Variants in HERC4 observed in about 807,000 individuals in gnomAD.
HERC4 encodes probable E3 ubiquitin-protein ligase HERC4.
In HERC4, 28 loss-of-function variants were observed where a neutral mutation model predicts 124.3. The observed-to-expected ratio is 0.23, with a 90% CI of 0.17 to 0.31. HERC4 has a LOEUF of 0.31. Among genes scored for constraint, HERC4 ranks in the 10% least tolerant of loss-of-function variants. HERC4 has a pLI of 1.00. For synonymous variants in HERC4, 407 were observed against 421.5 expected (o/e 0.97, Z 0.42); for missense variants, 713 against 1,229.3 (o/e 0.58, Z 6.28).
At chr10:68,062,222 C>T (rs1302928881) in intron 3 of HERC4, among the ~76,000 whole-genome samples, 2 of 152,118 alleles carry the variant, frequency 1.3e-5, no homozygotes, top group East Asian at 3.9e-4. Flanking sequence ...AAGTTTACCA[C>T]AAAATTCACC....
chr10:67,960,105 G>A (rs1274251217), intron 16 of HERC4, among the ~76,000 whole-genome samples: 1 of 152,220 alleles, frequency 6.6e-6, no homozygotes, highest in Non-Finnish European at 1.5e-5. Context: ...TGTCAGTTCT[G>A]CTTCCAGAAG....
At chr10:67,941,736 T>C (rs192415090) in intron 19 of HERC4, among the ~76,000 whole-genome samples, 2 of 143,376 alleles carry the variant, frequency 1.4e-5, no homozygotes, top group East Asian at 4.4e-4. Context: ...TGGAGTGCAG[T>C]GGTGTGATCT....
Position 68,059,870 on chromosome 10 carries a change from TATAATA to T in HERC4, c.226+13007_226+13012del, listed in dbSNP as rs1214104931. Among the ~76,000 whole-genome samples the T allele has an allele frequency of 2.7e-3, 191 of 70,250 alleles. 28 individuals carry two copies. The highest frequency in any genetic ancestry group is 0.023 in the African/African-American group (180 of 7,944). The allele number at this position is 70,250 out of a possible 152,430, so 46.1% of individuals were successfully genotyped here. ...TATTATATATCATAATATTATATAT[TATAATA>T]ATATTATATATCATAATATTATATA... is the stretch of plus-strand genomic sequence containing the variant. On this transcript the variant is annotated intron_variant, in intron 3 of 24. Coordinates refer to ENST00000373700, the MANE Select transcript of HERC4 (RefSeq NM_015601.4).
At chr10:68,038,255 C>T in intron 4 of HERC4, 86 bp from the exon 5 acceptor site, 2 of 597,990 alleles carry the variant, frequency 3.3e-6, no homozygotes, top group Non-Finnish European at 5.7e-6. Context: ...TATTGATGGC[C>T]TACTATATGC....
At chr10:68,065,204 T>C (rs2041241811) in intron 3 of HERC4, among the ~76,000 whole-genome samples, 1 of 152,148 alleles carries the variant, frequency 6.6e-6, no homozygotes, top group East Asian at 1.9e-4. Flanking sequence ...ACTATTTACC[T>C]ATGCATGATG....
intron 7 of HERC4, 80 bp from the exon 8 acceptor site, chr10:68,025,756 C>G: frequency 7.0e-7 from 1 of 1,433,454 alleles, no homozygotes; most frequent in African/African-American, 1.4e-5. Flanking sequence ...AAGTCCAAAT[C>G]TTTAATATAA....
intron 22 of HERC4, among the ~76,000 whole-genome samples, chr10:67,934,327 G>A (rs1027995470): frequency 1.3e-5 from 2 of 151,484 alleles, no homozygotes. Flanking sequence ...CTAATTCATC[G>A]CCAACTTCTC....
At chr10:68,054,318 A>T (rs2040449990) in intron 3 of HERC4, among the ~76,000 whole-genome samples, 1 of 151,972 alleles carries the variant, frequency 6.6e-6, no homozygotes, top group Middle Eastern at 3.2e-3. Flanking sequence ...TGTTTTATTA[A>T]ACAACTGAAT....
At chr10:67,933,054 T>A (rs1371982225) in intron 22 of HERC4, among the ~76,000 whole-genome samples, 1 of 152,210 alleles carries the variant, frequency 6.6e-6, no homozygotes, top group African/African-American at 2.4e-5. Flanking sequence ...GGCAGAATGA[T>A]GCAAATGGCT....
chr10:67,982,386 C>T (rs1294152718), intron 15 of HERC4, among the ~76,000 whole-genome samples: 3 of 152,162 alleles, frequency 2.0e-5, no homozygotes, highest in Non-Finnish European at 2.9e-5. Context: ...AAAAGACAGT[C>T]TCTTCAATAA....
chr10:67,982,907 C>T (rs769299894), intron 15 of HERC4, among the ~76,000 whole-genome samples: 19 of 151,902 alleles, frequency 1.3e-4, no homozygotes, highest in Non-Finnish European at 1.8e-4. Context: ...ACGGGTGGAT[C>T]GCCTGAGCTC....
intron 16 of HERC4, among the ~76,000 whole-genome samples, chr10:67,958,105 C>A (rs1209378663): frequency 6.6e-6 from 1 of 152,144 alleles, no homozygotes; most frequent in Non-Finnish European, 1.5e-5. Context: ...CTGTGCCCAG[C>A]CTGAATCTGC....
chr10:67,972,564 C>T (rs1226083642), intron 15 of HERC4, among the ~76,000 whole-genome samples: 1 of 137,778 alleles, frequency 7.3e-6, no homozygotes, highest in East Asian at 2.1e-4. Flanking sequence ...AAGAATTTCT[C>T]TGTACTAGCA....
chr10:68,057,916 G>A (rs1433032832), intron 3 of HERC4, among the ~76,000 whole-genome samples: 1 of 151,948 alleles, frequency 6.6e-6, no homozygotes, highest in Non-Finnish European at 1.5e-5. Flanking sequence ...GCCCAGGCTG[G>A]TCTTGAATTC....
intron 23 of HERC4, among the ~76,000 whole-genome samples, chr10:67,930,235 A>AAAGTCTTTAAAATT (rs1316323307): frequency 3.3e-5 from 5 of 152,240 alleles, no homozygotes; most frequent in Admixed American, 3.3e-4. Flanking sequence ...CAAATTAAAA[A>AAAGTCTTTAAAATT]AAAAAGTCTT....
chr10:67,992,655 CT>C lies in HERC4; in HGVS notation c.1096del (p.Arg366GlufsTer37). On this transcript the variant is annotated frameshift_variant, in exon 10 of 25. Transcript: ENST00000373700. LOFTEE classifies it high-confidence loss of function. ...IDSEEYFCVK[R>X]IFSGGDQSFS... ...GCTTTGATCTCCCCCTGAGAAAATTCTTTTTACACAGAAATATTCTTCAGAA... is the reference window on the plus strand; with the variant it reads ...GCTTTGATCTCCCCCTGAGAAAATTCTTTTACACAGAAATATTCTTCAGAA... 1 of 1,548,572 alleles carries C rather than the reference CT, an allele frequency of 6.5e-7. No individual in the cohort carries two copies. Among genetic ancestry groups the C allele is most frequent in the Non-Finnish European group, 8.9e-7 (1 of 1,129,068 alleles).
chr10:68,064,890 T>C (rs868352809), intron 3 of HERC4, among the ~76,000 whole-genome samples: 4 of 151,096 alleles, frequency 2.6e-5, no homozygotes, highest in Non-Finnish European at 5.9e-5. Context: ...GAGAATCGCT[T>C]GAATCCAGGA....
At chr10:68,071,612 A>G (rs1026999475) in intron 3 of HERC4, among the ~76,000 whole-genome samples, 1 of 152,190 alleles carries the variant, frequency 6.6e-6, no homozygotes, top group Non-Finnish European at 1.5e-5. Flanking sequence ...GACAATCATC[A>G]AATGCGTATC....
intron 3 of HERC4, among the ~76,000 whole-genome samples, chr10:68,049,589 A>AC: frequency 7.4e-6 from 1 of 135,758 alleles, no homozygotes; most frequent in African/African-American, 2.8e-5. Flanking sequence ...AGACACTGCC[A>AC]CAAAAAAAAA....
Sources: gnomAD v4.1 joint callset for allele counts (sites outside exome capture counted in the v4.1 genomes callset) on GRCh38, gnomAD v4.1.1 for gene constraint, MANE v1.5 for transcripts, NCBI Gene and HGNC (gene_info 2026-07-23, HGNC 2026-07-21) for gene names.